The following FAM167A variants were observed in gnomAD, a reference collection of about 807,000 sequenced individuals.
The protein encoded by FAM167A is protein FAM167A.
Under a neutral mutation model 14.9 loss-of-function variants are expected in FAM167A, and 23 were observed. The observed-to-expected ratio is 1.55, with a 90% CI of 1.11 to 2.19. The LOEUF is 2.19. Among genes scored for constraint, FAM167A ranks in the 30% most tolerant of loss-of-function variants. The pLI is 0.00. For synonymous variants in FAM167A, 174 were observed against 117.7 expected (o/e 1.48, Z -3.10); for missense variants, 401 against 281.5 (o/e 1.42, Z -3.04).
chr8:11,444,557 C>G lies in FAM167A; in HGVS notation c.-146G>C. On this transcript the variant is annotated 5_prime_UTR_variant, in exon 2 of 3. Transcript: ENST00000284486. Reference sequence around the variant, plus strand: ...CCGGGACAGGAGCCGGCCTCAGAGGCTGGGTGGCAGGGGAGCTGAGAGGGA... The same window carrying G: ...CCGGGACAGGAGCCGGCCTCAGAGGGTGGGTGGCAGGGGAGCTGAGAGGGA... 1 of 1,460,220 alleles carries G rather than the reference C, an allele frequency of 6.8e-7. No individual in the cohort carries two copies. Among genetic ancestry groups the G allele is most frequent in the Non-Finnish European group, 9.0e-7 (1 of 1,114,234 alleles). The allele number at this position is 1,460,220 out of a possible 1,614,324, so 90.5% of individuals were successfully genotyped here.
rs960751778 is a variant in FAM167A at position 11,473,881 on chromosome 8, C to CT, written c.-398+1984dup. Among the ~76,000 whole-genome samples the CT allele has an allele frequency of 1.2e-4, 18 of 151,114 alleles. 1 individual carries two copies. The highest frequency in any genetic ancestry group is 2.1e-4 in the South Asian group (1 of 4,760). ...TTTCTTTTTCTTTTCTTTCTTTCTTCTTTTTTTTTGAGACAGAGTCTCACT... is the reference window on the plus strand; with the variant it reads ...TTTCTTTTTCTTTTCTTTCTTTCTTCTTTTTTTTTTGAGACAGAGTCTCACT... On this transcript the variant is annotated intron_variant, in intron 1 of 1. Transcript: ENST00000648766.
chr8:11,466,943 T>A (rs997134836), upstream of FAM167A, among the ~76,000 whole-genome samples: 4 of 151,958 alleles, frequency 2.6e-5, no homozygotes, highest in African/African-American at 9.7e-5. Flanking sequence ...CCCCCGCGAG[T>A]GGAGAGGAAC....
chr8:11,424,680 G>T, intron 2 of FAM167A, 44 bp from the exon 3 acceptor site: 1 of 1,601,910 alleles, frequency 6.2e-7, no homozygotes, highest in South Asian at 1.1e-5. Context: ...AGAGTGGCTC[G>T]AGTCCCTGAC....
chr8:11,424,338 T>G lies in FAM167A; in HGVS notation c.*35A>C. 1.2e-6 allele frequency: 2 copies of G among 1,608,752 alleles called. No individual in the cohort carries two copies. Among genetic ancestry groups the G allele is most frequent in the Admixed American group, 1.7e-5 (1 of 59,930 alleles). On this transcript the variant is annotated 3_prime_UTR_variant, in exon 3 of 3. Coordinates refer to ENST00000284486, the MANE Select transcript of FAM167A (RefSeq NM_053279.3). Reference sequence around the variant, plus strand: ...TCTGACACCCCTCCAGCCCAAGCCCTCCGCTCCAGCCCCTCCGCCCAGTCT... The same window carrying G: ...TCTGACACCCCTCCAGCCCAAGCCCGCCGCTCCAGCCCCTCCGCCCAGTCT...
chr8:11,434,734 T>A, intron 2 of FAM167A: 1 of 258,790 alleles, frequency 3.9e-6, no homozygotes, highest in South Asian at 4.4e-5. Flanking sequence ...TGGGTTCCAG[T>A]CCTAGTGCAG....
At chr8:11,442,844 C>T (rs1358827055) in intron 2 of FAM167A, among the ~76,000 whole-genome samples, 6 of 152,178 alleles carry the variant, frequency 3.9e-5, no homozygotes, top group East Asian at 3.9e-4. Context: ...GAAGCACTCT[C>T]GGTATCAAGT....
At chr8:11,467,880 C>T (rs1395539109), upstream of FAM167A, among the ~76,000 whole-genome samples, 4 of 152,250 alleles carry the variant, frequency 2.6e-5, no homozygotes, top group Non-Finnish European at 5.9e-5. Flanking sequence ...CAGTACAGAC[C>T]TAGTCATGCT....
At chr8:11,455,285 TG>T (rs1306914305) in intron 1 of FAM167A, among the ~76,000 whole-genome samples, 74 of 122,526 alleles carry the variant, frequency 6.0e-4, no homozygotes, top group African/African-American at 1.7e-3. Context: ...TGTGTGTGTC[TG>T]GGGGGGGTGG....
chr8:11,442,623 C>T (rs1177836781), intron 2 of FAM167A, among the ~76,000 whole-genome samples: 3 of 152,126 alleles, frequency 2.0e-5, no homozygotes, highest in African/African-American at 7.2e-5. Flanking sequence ...TAGCCTCAGC[C>T]ATTCAAAGAG....
rs770700939 is a variant in FAM167A at position 11,444,229 on chromosome 8, C to T, written c.183G>A (p.Pro61=). The change falls in exon 2 of 3, where the codon CCG becomes CCA. Residue 61 remains proline (P), a synonymous_variant. Coordinates refer to ENST00000284486, the MANE Select transcript of FAM167A (RefSeq NM_053279.3). ...TCGCCTGTGGCTCCGCAGCCGGCCT[C>T]GGGAAGGGCCAGGTATGCTCCTCCA... is the stretch of plus-strand genomic sequence containing the variant. The part of the protein sequence containing the change: ...ARLEEHTWPF[P]RPAAEPQASL... 6.2e-6 allele frequency: 10 copies of T among 1,612,074 alleles called. No homozygotes were observed. The highest frequency in any genetic ancestry group is 4.4e-5 in the South Asian group (4 of 91,042).
At chr8:11,428,476 A>C (rs1805341375) in intron 2 of FAM167A, among the ~76,000 whole-genome samples, 2 of 152,236 alleles carry the variant, frequency 1.3e-5, no homozygotes, top group African/African-American at 2.4e-5. Context: ...AAAGAGAAAG[A>C]AAGCTGCAGC....
rs914869012 is a variant in FAM167A at position 11,444,031 on chromosome 8, C to A, written c.381G>T (p.Leu127=). Residue 127 remains leucine, a splice_region_variant and synonymous_variant, in exon 2 of 3, where the codon CTG becomes CTT. Coordinates refer to ENST00000284486, the MANE Select transcript of FAM167A (RefSeq NM_053279.3). ...GGGATTCTTGGGGGCAGCCACTCAC[C>A]AGTTCCTTCCTGAGCCAGGCTATAG... is the stretch of plus-strand genomic sequence containing the variant. ...DEAIAWLRKE[L]TEMRLQDQQL... The A allele has an allele frequency of 1.9e-6, 3 of 1,609,512 alleles. No individual in the cohort carries two copies. Among genetic ancestry groups the A allele is most frequent in the Non-Finnish European group, 2.5e-6 (3 of 1,177,760 alleles).
chr8:11,431,821 G>A (rs1230754122), intron 2 of FAM167A, among the ~76,000 whole-genome samples: 1 of 149,830 alleles, frequency 6.7e-6, no homozygotes, highest in Non-Finnish European at 1.5e-5. Context: ...AGAGTAGTCT[G>A]GGAGGTAGAA....
chr8:11,439,563 TTCTCTTCTCTC>T lies in FAM167A; in HGVS notation c.381+4457_381+4467del, dbSNP rs1353284379. ...CCTAAGTGATGAAAACTTGTCAAGG[TTCTCTTCTCTC>T]TCTCTAACAGCCATAAACACCTCCT... On this transcript the variant is annotated intron_variant, in intron 2 of 2. Transcript: ENST00000284486. Among the ~76,000 whole-genome samples the T allele has an allele frequency of 2.8e-4, 21 of 76,118 alleles. No homozygotes were observed. In the East Asian group the frequency reaches 0.03, roughly 109 times the overall value. The allele number at this position is 76,118 out of a possible 152,430, so 49.9% of individuals were successfully genotyped here.
upstream of FAM167A, among the ~76,000 whole-genome samples, chr8:11,467,874 A>T (rs1305111520): frequency 6.6e-6 from 1 of 152,266 alleles, no homozygotes; most frequent in Non-Finnish European, 1.5e-5. Flanking sequence ...TCTTGCCAGT[A>T]CAGACCTAGT....
Position 11,460,862 on chromosome 8 carries a change from G to A in FAM167A, c.-398+5764C>T, listed in dbSNP as rs146571172. ...GAAACAGGGAAACCTTGCTTGTCTC[G>A]CTGGGACATTATGAGAAAAGAATCT... On this transcript the variant is annotated intron_variant, in intron 1 of 2. Transcript: ENST00000284486. Among the ~76,000 whole-genome samples the A allele has an allele frequency of 2.1e-4, 32 of 152,272 alleles. 1 individual carries two copies. The highest frequency in any genetic ancestry group is 6.2e-4 in the South Asian group (3 of 4,822).
intron 1 of FAM167A, among the ~76,000 whole-genome samples, chr8:11,473,421 G>A (rs1304114358): frequency 1.3e-5 from 2 of 152,148 alleles, no homozygotes; most frequent in Non-Finnish European, 2.9e-5. Flanking sequence ...TGCTGGGGGG[G>A]ATTTTTGGGG....
At chr8:11,456,568 T>C (rs1807322063) in intron 1 of FAM167A, among the ~76,000 whole-genome samples, 2 of 150,834 alleles carry the variant, frequency 1.3e-5, no homozygotes, top group South Asian at 2.1e-4. Flanking sequence ...GGTGGTTGCA[T>C]TGCTGGGTGG....
intron 1 of FAM167A, among the ~76,000 whole-genome samples, chr8:11,460,786 C>T (rs898631843): frequency 6.6e-6 from 1 of 152,136 alleles, no homozygotes; most frequent in African/African-American, 2.4e-5. Context: ...GCTGGCTGCG[C>T]TTGCACCCAA....
Sources: allele counts gnomAD v4.1 joint callset (sites outside exome capture counted in the v4.1 genomes callset), GRCh38; gene constraint gnomAD v4.1.1; transcripts MANE v1.5; gene names NCBI Gene and HGNC (gene_info 2026-07-23, HGNC 2026-07-21).